The following CDH4 variants were observed in gnomAD, a reference collection of about 807,000 sequenced individuals.
CDH4 encodes the protein cadherin 4, also known as cadherin-4.
CDH4 carries 33 observed loss-of-function variants against 86.0 expected under a neutral mutation model. The ratio of observed to expected loss-of-function variants is 0.38; its 90% CI spans 0.29 to 0.51. The LOEUF (loss-of-function observed/expected upper bound fraction) is 0.51, where lower values mean the gene tolerates loss of function less well. Among genes scored for constraint, CDH4 ranks in the 20% least tolerant of loss-of-function variants. CDH4 has a pLI of 0.86. For synonymous variants in CDH4, 555 were observed against 549.4 expected (o/e 1.01, Z -0.14); for missense variants, 1,114 against 1,307.4 (o/e 0.85, Z 2.28).
At chr20:61,877,910 G>T (rs947928074) in intron 7 of CDH4, among the ~76,000 whole-genome samples, 9 of 152,222 alleles carry the variant, frequency 5.9e-5, no homozygotes, top group Middle Eastern at 3.4e-3. Context: ...TCTTTGGCTG[G>T]GAGGACCCCC....
chr20:61,799,607 A>G (rs577187519), intron 4 of CDH4, among the ~76,000 whole-genome samples: 19 of 152,204 alleles, frequency 1.2e-4, no homozygotes, highest in Admixed American at 4.6e-4. Flanking sequence ...GCTCCTCCCC[A>G]CCAGGATACC....
chr20:61,514,899 T>A (rs978624383), intron 2 of CDH4, among the ~76,000 whole-genome samples: 1 of 151,898 alleles, frequency 6.6e-6, no homozygotes, highest in African/African-American at 2.4e-5. Flanking sequence ...AGCCATGGGG[T>A]GGGGGGAAGG....
At chr20:61,796,414 G>C (rs895886607) in intron 4 of CDH4, among the ~76,000 whole-genome samples, 1 of 152,088 alleles carries the variant, frequency 6.6e-6, no homozygotes, top group Non-Finnish European at 1.5e-5. Flanking sequence ...ATCACCTTCT[G>C]ACACAGACGT....
chr20:61,928,158 G>A, intron 11 of CDH4, 32 bp from the exon 12 acceptor site: 1 of 1,547,946 alleles, frequency 6.5e-7, no homozygotes, highest in East Asian at 2.2e-5. Flanking sequence ...TACCAGGAGT[G>A]GCCCGTGTGG....
rs1300931525 is a variant in CDH4 at position 61,829,977 on chromosome 20, C to T, written c.577-14691C>T. On this transcript the variant is annotated intron_variant, in intron 4 of 15. Transcript: ENST00000614565. This position sits in a 1 kb window ranked among gnomAD's most constrained non-coding sequence, Gnocchi z 4.2. ...TGGGTGGTTTGGTGTGTTTGGCAAGCCGACCCAAACTCCCATTACATGCTA... is the reference window on the plus strand; with the variant it reads ...TGGGTGGTTTGGTGTGTTTGGCAAGTCGACCCAAACTCCCATTACATGCTA... 6.6e-6 allele frequency among the ~76,000 whole-genome samples: 1 copy of T among 152,004 alleles called. No homozygotes were observed. The highest frequency in any genetic ancestry group is 1.5e-5 in the Non-Finnish European group (1 of 67,980).
intron 2 of CDH4, among the ~76,000 whole-genome samples, chr20:61,646,619 G>A (rs756128496): frequency 1.2e-4 from 19 of 152,228 alleles, no homozygotes; most frequent in Non-Finnish European, 2.6e-4. Context: ...GTGCCCTGGG[G>A]CTCTGAGCAG....
chr20:61,915,325 C>T (rs1004731501), intron 9 of CDH4, among the ~76,000 whole-genome samples: 5 of 152,230 alleles, frequency 3.3e-5, no homozygotes, highest in Non-Finnish European at 5.9e-5. Context: ...GCTGTGTCTG[C>T]TCAGAAACCA....
At chr20:61,263,673 A>G (rs1219699887) in intron 2 of CDH4, among the ~76,000 whole-genome samples, 4 of 152,216 alleles carry the variant, frequency 2.6e-5, no homozygotes, top group Non-Finnish European at 5.9e-5. Flanking sequence ...ATCCCCACAT[A>G]TGTAGCAGCT....
At chr20:61,813,992 G>C (rs764913366) in intron 4 of CDH4, among the ~76,000 whole-genome samples, 44 of 152,206 alleles carry the variant, frequency 2.9e-4, no homozygotes, top group Non-Finnish European at 5.1e-4. Context: ...TGCAGGGCTG[G>C]CTCCCAGGCC....
Position 61,399,795 on chromosome 20 carries a change from T to C in CDH4, c.169+144858T>C, listed in dbSNP as rs571912031. 1.1e-4 allele frequency among the ~76,000 whole-genome samples: 16 copies of C among 152,350 alleles called. No individual in the cohort carries two copies. In the South Asian group the frequency reaches 3.3e-3, roughly 32 times the overall value. On this transcript the variant is annotated intron_variant, in intron 2 of 15. Transcript: ENST00000614565. ...GTGTGATGCTGGGCTCAGGAGATCCTGAGGGGAGGAACTCAGAGCCTGCCC... is the reference window on the plus strand; with the variant it reads ...GTGTGATGCTGGGCTCAGGAGATCCCGAGGGGAGGAACTCAGAGCCTGCCC...
intron 2 of CDH4, among the ~76,000 whole-genome samples, chr20:61,394,093 G>A (rs1433853834): frequency 6.6e-6 from 1 of 152,160 alleles, no homozygotes; most frequent in East Asian, 1.9e-4. Context: ...GCAGGAAGGA[G>A]GCCACCCTCA....
At chr20:61,672,784 C>T (rs984081560) in intron 2 of CDH4, among the ~76,000 whole-genome samples, 7 of 151,992 alleles carry the variant, frequency 4.6e-5, no homozygotes, top group Admixed American at 2.6e-4. Flanking sequence ...GGGAACCCGA[C>T]GGGGCTCAAG....
At position 61,501,359 on chromosome 20, in the gene CDH4, T is replaced by C. The variant is rs2085699723; in HGVS notation, c.170-242204T>C. Among the ~76,000 whole-genome samples the C allele has an allele frequency of 1.3e-5, 2 of 152,108 alleles. No homozygotes were observed. Among genetic ancestry groups the C allele is most frequent in the Admixed American group, 6.6e-5 (1 of 15,266 alleles). On this transcript the variant is annotated intron_variant, in intron 2 of 15. Coordinates refer to ENST00000614565, the MANE Select transcript of CDH4 (RefSeq NM_001794.5). This position sits in a 1 kb window ranked among gnomAD's most constrained non-coding sequence, Gnocchi z 4.2. ...TAGAGACGGGTGGAAAGAGAGAGCATTGGGGTGACTGAGACAAATGGAGTG... is the reference window on the plus strand; with the variant it reads ...TAGAGACGGGTGGAAAGAGAGAGCACTGGGGTGACTGAGACAAATGGAGTG...
At chr20:61,630,046 C>A (rs183466039) in intron 2 of CDH4, among the ~76,000 whole-genome samples, 3 of 152,260 alleles carry the variant, frequency 2.0e-5, no homozygotes, top group Non-Finnish European at 2.9e-5. Context: ...CTCCCTGACA[C>A]CCAGGGAGCC....
In CDH4 at chr20:61,928,193, TACCCCCG is replaced by T; in HGVS notation, c.1776_1782del (p.Ile592MetfsTer35). 1 of 1,599,654 alleles carries T rather than the reference TACCCCCG, an allele frequency of 6.3e-7. No homozygotes were observed. The highest frequency in any genetic ancestry group is 8.5e-7 in the Non-Finnish European group (1 of 1,179,486). ...GTGACCTGTGTCTGTTCCACAGGGA[TACCCCCG>T]GCCAGCGGCACCGGGACCCTCCAGA... is the stretch of plus-strand genomic sequence containing the variant. On this transcript the variant is annotated frameshift_variant, in exon 12 of 16. Transcript: ENST00000614565. LOFTEE classifies it high-confidence loss of function.
intron 2 of CDH4, among the ~76,000 whole-genome samples, chr20:61,309,714 A>G (rs966266627): frequency 6.6e-6 from 1 of 152,212 alleles, no homozygotes; most frequent in Non-Finnish European, 1.5e-5. Context: ...TGAACAGTAT[A>G]AAGACTAATT....
chr20:61,932,909 A>G, intron 13 of CDH4, 76 bp from the exon 14 acceptor site: 2 of 1,557,514 alleles, frequency 1.3e-6, no homozygotes, highest in African/African-American at 1.3e-5. Flanking sequence ...ATGCCCACAT[A>G]GACACATGGC....
At chr20:61,522,407 C>T (rs1003102696) in intron 2 of CDH4, among the ~76,000 whole-genome samples, 2 of 152,236 alleles carry the variant, frequency 1.3e-5, no homozygotes, top group African/African-American at 4.8e-5. Context: ...CCTCGGTAAC[C>T]ATGTGTGAGG....
chr20:61,937,218 T>TAAAAAAAAAAAA lies in CDH4; in HGVS notation c.*283_*294dup. The TAAAAAAAAAAAA allele has an allele frequency of 9.7e-6, 1 of 103,174 alleles. No homozygotes were observed. The highest frequency in any genetic ancestry group is 7.0e-3 in the Middle Eastern group (1 of 142). The allele number at this position is 103,174 out of a possible 1,614,324, so 6.4% of individuals were successfully genotyped here. A position where few individuals can be genotyped will look rare whatever the true frequency, so the allele number is the denominator to read the frequency against. ...TTTCCTAGAACAGAAGCACTGTTTT[T>TAAAAAAAAAAAA]AAAAAAAAAAAAAAAAAAAGAAGAA... On this transcript the variant is annotated 3_prime_UTR_variant, in exon 16 of 16. Coordinates refer to ENST00000614565, the MANE Select transcript of CDH4 (RefSeq NM_001794.5).
Sources: gnomAD v4.1 joint callset for allele counts (sites outside exome capture counted in the v4.1 genomes callset) on GRCh38, gnomAD v4.1.1 for gene constraint, Gnocchi (gnomAD v3.1) non-coding constraint, MANE v1.5 for transcripts, NCBI Gene and HGNC (gene_info 2026-07-23, HGNC 2026-07-21) for gene names.